ANOS1: variants seen among roughly 807,000 people sequenced by gnomAD.
ANOS1 encodes the protein anosmin 1, also known as anosmin-1.
A neutral mutation model predicts 59.0 loss-of-function variants in ANOS1; 6 were observed. That is an observed-to-expected ratio of 0.10 (90% CI 0.06 to 0.20). The LOEUF (loss-of-function observed/expected upper bound fraction) is 0.20. Ranked by LOEUF, ANOS1 falls within the 10% of genes least tolerant of loss-of-function variation. The pLI, the probability that ANOS1 is intolerant of heterozygous loss-of-function variation, is 1.00. For missense variants in ANOS1, 433 were observed against 542.3 expected (o/e 0.80, Z 2.00); for synonymous variants, 217 against 223.4 (o/e 0.97, Z 0.25).
chrX:8,623,601 C>G lies in ANOS1; in HGVS notation c.318+7G>C. 8.4e-7 allele frequency: 1 copy of G among 1,193,936 alleles called. No homozygotes were observed. Among genetic ancestry groups the G allele is most frequent in the Non-Finnish European group, 1.1e-6 (1 of 879,319 alleles). ...AAGTGTTTTAAGTACCACTGACGTT[C>G]TCCTACCTCACAAAAGCTTTGGCAC... On this transcript the variant is annotated splice_region_variant and intron_variant, in intron 3 of 13. Coordinates refer to ENST00000262648, the MANE Select transcript of ANOS1 (RefSeq NM_000216.4).
intron 3 of ANOS1, among the ~76,000 whole-genome samples, chrX:8,599,635 T>C (rs111864676): frequency 9.0e-6 from 1 of 111,277 alleles, no homozygotes; most frequent in Non-Finnish European, 1.9e-5. Context: ...TGCTTCTCAA[T>C]AGTGATTGAA....
At chrX:8,702,702 C>A (rs1932762841) in intron 1 of ANOS1, among the ~76,000 whole-genome samples, 1 of 112,182 alleles carries the variant, frequency 8.9e-6, no homozygotes, top group Admixed American at 9.4e-5. Flanking sequence ...AGAGTTGGCT[C>A]CTGCCAGGAC....
At chrX:8,549,573 A>G (rs1004138029) in intron 9 of ANOS1, among the ~76,000 whole-genome samples, 4 of 112,379 alleles carry the variant, frequency 3.6e-5, no homozygotes, top group African/African-American at 1.3e-4. Flanking sequence ...ACCAAGCCTT[A>G]AAAGGCTGGG....
At chrX:8,701,949 T>C (rs1932758681) in intron 1 of ANOS1, among the ~76,000 whole-genome samples, 1 of 111,891 alleles carries the variant, frequency 8.9e-6, no homozygotes, top group Non-Finnish European at 1.9e-5. Flanking sequence ...CTCTAGCATA[T>C]AGCCCTACTT....
At position 8,535,688 on chromosome X, in the gene ANOS1, A is replaced by G. The variant is rs368339876; in HGVS notation, c.1745T>C (p.Met582Thr). The change falls in exon 12 of 14, where the codon ATG becomes ACG. Residue 582 changes from methionine (M) to threonine (T), a missense_variant. Transcript: ENST00000262648. ...AGCCCAAGTCACTTGAAACCCAGTC[A>G]TGGGCTGATAGAGATTGGCCTTGGC... Reference protein sequence around the residue: ...KMAKANLYQPMTGFQVTWAEV... With the variant: ...KMAKANLYQPTTGFQVTWAEV... 34 of 1,208,745 alleles carry G rather than the reference A, an allele frequency of 2.8e-5. No homozygotes were observed. The African/African-American group carries it at 5.6e-4, about 20-fold the overall frequency.
intron 3 of ANOS1, among the ~76,000 whole-genome samples, chrX:8,621,520 A>G (rs1482498503): frequency 8.9e-6 from 1 of 111,787 alleles, no homozygotes; most frequent in Non-Finnish European, 1.9e-5. Flanking sequence ...CAGAATAAAT[A>G]GTTGATTCAG....
chrX:8,562,485 C>A (rs901906748), intron 8 of ANOS1, among the ~76,000 whole-genome samples: 3 of 111,253 alleles, frequency 2.7e-5, no homozygotes, highest in Non-Finnish European at 3.8e-5. Context: ...ATCATATCTA[C>A]AATATTCTGA....
intron 1 of ANOS1, among the ~76,000 whole-genome samples, chrX:8,729,597 T>C (rs1932952018): frequency 9.7e-6 from 1 of 103,073 alleles, no homozygotes; most frequent in South Asian, 4.7e-4. Context: ...GGATTTCAAG[T>C]TGGCCAGGCT....
intron 2 of ANOS1, among the ~76,000 whole-genome samples, chrX:8,630,853 C>G (rs996961779): frequency 1.8e-5 from 2 of 112,980 alleles, no homozygotes; most frequent in African/African-American, 6.4e-5. Context: ...GTCTTCCAAT[C>G]TTCTGTCTGC....
At chrX:8,717,683 C>T (rs957722610) in intron 1 of ANOS1, among the ~76,000 whole-genome samples, 5 of 111,059 alleles carry the variant, frequency 4.5e-5, no homozygotes, top group African/African-American at 1.3e-4. Context: ...CAGGAGAGAG[C>T]GAGAAGAGAG....
rs1932144094 is a variant in ANOS1 at position 8,666,709 on chromosome X, G to T, written c.255+32989C>A. Among the ~76,000 whole-genome samples, 4 of 112,194 alleles carry T rather than the reference G, an allele frequency of 3.6e-5. No individual in the cohort carries two copies. The South Asian group carries it at 1.5e-3, about 42-fold the overall frequency. On this transcript the variant is annotated intron_variant, in intron 2 of 13. Coordinates refer to ENST00000262648, the MANE Select transcript of ANOS1 (RefSeq NM_000216.4). ...CCCCACATGCCCAAGAAGCAAAAATGGACAGACTGTTTTTGTACTAAATGA... is the reference window on the plus strand; with the variant it reads ...CCCCACATGCCCAAGAAGCAAAAATTGACAGACTGTTTTTGTACTAAATGA...
At chrX:8,595,912 C>T in intron 4 of ANOS1, among the ~76,000 whole-genome samples, 1 of 111,103 alleles carries the variant, frequency 9.0e-6, no homozygotes, top group Non-Finnish European at 1.9e-5. Flanking sequence ...ACCTGAACCT[C>T]CTGTCAGATC....
intron 4 of ANOS1, among the ~76,000 whole-genome samples, chrX:8,594,695 T>TATATATATATATATAC (rs1569058385): frequency 1.7e-5 from 1 of 59,255 alleles, no homozygotes; most frequent in Non-Finnish European, 2.9e-5. Context: ...TATATATATA[T>TATATATATATATATAC]ATACACATAT....
chrX:8,698,398 A>G (rs1306309519), intron 2 of ANOS1, among the ~76,000 whole-genome samples: 2 of 112,481 alleles, frequency 1.8e-5, no homozygotes, highest in Non-Finnish European at 3.8e-5. Context: ...GAGTGCTTAA[A>G]TAAGAAGTAT....
chrX:8,576,301 C>G (rs1930319779), intron 6 of ANOS1, among the ~76,000 whole-genome samples: 1 of 111,097 alleles, frequency 9.0e-6, no homozygotes, highest in African/African-American at 3.3e-5. Context: ...GTTTCTATAT[C>G]TAAGTCATTC....
chrX:8,674,235 T>TA (rs1932300385), intron 2 of ANOS1, among the ~76,000 whole-genome samples: 1 of 112,183 alleles, frequency 8.9e-6, no homozygotes, highest in Non-Finnish European at 1.9e-5. Flanking sequence ...ACAAATCTGC[T>TA]ATAAAGAGTG....
At chrX:8,676,617 C>T (rs1183623967) in intron 2 of ANOS1, among the ~76,000 whole-genome samples, 2 of 112,001 alleles carry the variant, frequency 1.8e-5, no homozygotes, top group Non-Finnish European at 3.8e-5. Context: ...ACCCATGTAA[C>T]ACGGTCATGG....
At chrX:8,589,912 A>G (rs953711454) in intron 4 of ANOS1, among the ~76,000 whole-genome samples, 6 of 111,731 alleles carry the variant, frequency 5.4e-5, no homozygotes, top group Non-Finnish European at 9.4e-5. Flanking sequence ...AACCTTTTTG[A>G]TATGTTCTTG....
chrX:8,672,369 A>G (rs1366107429), intron 2 of ANOS1, among the ~76,000 whole-genome samples: 1 of 111,944 alleles, frequency 8.9e-6, no homozygotes, highest in Non-Finnish European at 1.9e-5. Context: ...TGCTGAGGAC[A>G]CCCTGCTGGT....
Sources: gnomAD v4.1 joint callset for allele counts (sites outside exome capture counted in the v4.1 genomes callset) on GRCh38, gnomAD v4.1.1 for gene constraint, MANE v1.5 for transcripts, NCBI Gene and HGNC (gene_info 2026-07-23, HGNC 2026-07-21) for gene names.